The following CNTN4 variants were observed in gnomAD, a reference collection of about 807,000 sequenced individuals.
The protein encoded by CNTN4 is contactin-4.
In CNTN4, 77 loss-of-function variants were observed where a neutral mutation model predicts 122.5. The ratio of observed to expected loss-of-function variants is 0.63; its 90% CI spans 0.52 to 0.76. The LOEUF is 0.76. Ranked by LOEUF, CNTN4 falls within the 30% of genes least tolerant of loss-of-function variation. The pLI is 0.00. For missense variants in CNTN4, 1,256 were observed against 1,259.1 expected (o/e 1.00, Z 0.04); for synonymous variants, 512 against 447.0 (o/e 1.15, Z -1.83).
chr3:2,501,862 C>G (rs570365588), intron 3 of CNTN4, among the ~76,000 whole-genome samples: 1 of 152,156 alleles, frequency 6.6e-6, no homozygotes. Flanking sequence ...ATTTAAGCAA[C>G]CACGCATTGT....
intron 2 of CNTN4, among the ~76,000 whole-genome samples, chr3:2,238,396 G>T (rs541943465): frequency 5.1e-4 from 78 of 151,696 alleles, no homozygotes; most frequent in African/African-American, 1.6e-3. Context: ...ATCAGATTTA[G>T]TCCAAAATTT....
At chr3:3,009,709 A>G (rs1163051362) in intron 14 of CNTN4, among the ~76,000 whole-genome samples, 3 of 152,182 alleles carry the variant, frequency 2.0e-5, no homozygotes. Context: ...CTGGGATTAC[A>G]GGCGTGAGCC....
chr3:2,468,815 A>C (rs2075591780), intron 3 of CNTN4, among the ~76,000 whole-genome samples: 1 of 152,092 alleles, frequency 6.6e-6, no homozygotes, highest in African/African-American at 2.4e-5. Flanking sequence ...TCAGGGTTGA[A>C]AGTAAGGAAA....
chr3:2,689,396 C>G, intron 4 of CNTN4, among the ~76,000 whole-genome samples: 1 of 152,162 alleles, frequency 6.6e-6, no homozygotes, highest in South Asian at 2.1e-4. Context: ...CATCATGGAG[C>G]AAGCCTATGG....
chr3:2,812,817 T>C (rs1431819252), intron 6 of CNTN4, among the ~76,000 whole-genome samples: 1 of 152,170 alleles, frequency 6.6e-6, no homozygotes, highest in Non-Finnish European at 1.5e-5. Context: ...ACATTAGAAG[T>C]GAGAATTGAA....
intron 4 of CNTN4, among the ~76,000 whole-genome samples, chr3:2,665,865 G>A (rs531280042): frequency 6.6e-6 from 1 of 152,324 alleles, no homozygotes; most frequent in South Asian, 2.1e-4. Context: ...AACGTGGCGT[G>A]TGGTATCAGT....
chr3:2,221,378 C>T (rs988787063), intron 2 of CNTN4, among the ~76,000 whole-genome samples: 3 of 151,902 alleles, frequency 2.0e-5, no homozygotes, highest in African/African-American at 7.2e-5. Context: ...GATCCCCTAC[C>T]TCACACCATA....
Position 2,606,347 on chromosome 3 carries a change from G to T in CNTN4, c.55+34789G>T, listed in dbSNP as rs570652182. On this transcript the variant is annotated intron_variant, in intron 4 of 24. Transcript: ENST00000418658. Reference sequence around the variant, plus strand: ...TGGGGCCTGTGGTAGGGCAGGGGTCGAGGGGGAGGGAGAGCATCAGGAAAA... The same window carrying T: ...TGGGGCCTGTGGTAGGGCAGGGGTCTAGGGGGAGGGAGAGCATCAGGAAAA... Among the ~76,000 whole-genome samples, 3 of 152,216 alleles carry T rather than the reference G, an allele frequency of 2.0e-5. No homozygotes were observed. In the East Asian group the frequency reaches 5.8e-4, roughly 29 times the overall value.
At position 2,571,412 on chromosome 3, in the gene CNTN4, A is replaced by G; in HGVS notation, c.-88-4A>G. ...CTCATTGTAATGTCTCTTCTTTCCC[A>G]CAGATTAAAGGTTATACAAAACTTA... On this transcript the variant is annotated splice_region_variant and splice_polypyrimidine_tract_variant and intron_variant, in intron 3 of 24. Transcript: ENST00000418658. The G allele has an allele frequency of 1.1e-6, 1 of 888,558 alleles. No homozygotes were observed. The highest frequency in any genetic ancestry group is 1.3e-5 in the South Asian group (1 of 74,700). The allele number at this position is 888,558 out of a possible 1,614,324, so 55.0% of individuals were successfully genotyped here. A position where few individuals can be genotyped will look rare whatever the true frequency, so the allele number is the denominator to read the frequency against.
intron 3 of CNTN4, among the ~76,000 whole-genome samples, chr3:2,528,606 T>C: frequency 6.6e-6 from 1 of 152,136 alleles, no homozygotes; most frequent in Non-Finnish European, 1.5e-5. Context: ...TAAAAGCACT[T>C]TTAGGAGGTA....
At chr3:2,399,539 TG>T (rs1218899196) in intron 3 of CNTN4, among the ~76,000 whole-genome samples, 1 of 152,028 alleles carries the variant, frequency 6.6e-6, no homozygotes, top group Non-Finnish European at 1.5e-5. Context: ...ATAAGTTCTC[TG>T]AGTCTCTGTT....
intron 2 of CNTN4, among the ~76,000 whole-genome samples, chr3:2,185,491 G>A (rs2037208941): frequency 6.6e-6 from 1 of 152,070 alleles, no homozygotes; most frequent in African/African-American, 2.4e-5. Flanking sequence ...TGCTACCCCA[G>A]GGCACTTTCC....
intron 3 of CNTN4, among the ~76,000 whole-genome samples, chr3:2,479,242 C>G (rs926537716): frequency 1.3e-5 from 2 of 152,118 alleles, no homozygotes; most frequent in African/African-American, 4.8e-5. Context: ...AGCCTTTTAT[C>G]TTTTTGACCC....
intron 6 of CNTN4, among the ~76,000 whole-genome samples, chr3:2,787,625 T>G (rs7625449): frequency 0.58 from 87,372 of 151,908 alleles, 25,095 homozygotes; most frequent in East Asian, 0.63. Context: ...TTTAGTCTAG[T>G]TCACTTACCA....
chr3:2,879,197 C>G (rs1319667608), intron 8 of CNTN4, among the ~76,000 whole-genome samples: 1 of 152,100 alleles, frequency 6.6e-6, no homozygotes, highest in Non-Finnish European at 1.5e-5. Flanking sequence ...GGAAGACACA[C>G]ATACACAGAA....
At position 2,796,583 on chromosome 3, in the gene CNTN4, A is replaced by G. The variant is rs562549887; in HGVS notation, c.359-22903A>G. 1.4e-4 allele frequency among the ~76,000 whole-genome samples: 21 copies of G among 152,342 alleles called. 1 individual carries two copies. Among genetic ancestry groups the G allele is most frequent in the African/African-American group, 3.8e-4 (16 of 41,584 alleles). On this transcript the variant is annotated intron_variant, in intron 6 of 24. Transcript: ENST00000418658. The stretch of plus-strand genomic sequence containing the variant: ...TACTCCCAAGTTTTCTCACTGCTAC[A>G]TTAATTCAATGAAATCTAATTTAGG...
intron 14 of CNTN4, among the ~76,000 whole-genome samples, chr3:3,020,885 G>C (rs2125592719): frequency 6.6e-6 from 1 of 152,262 alleles, no homozygotes; most frequent in South Asian, 2.1e-4. Flanking sequence ...ACTAACCCAG[G>C]TATACTAATG....
chr3:2,606,949 C>CAGAT (rs2081283795), intron 4 of CNTN4, among the ~76,000 whole-genome samples: 2 of 152,178 alleles, frequency 1.3e-5, no homozygotes, highest in Non-Finnish European at 2.9e-5. Context: ...ATGAGCTTTA[C>CAGAT]AGATGCTAGC....
At chr3:3,018,717 C>T (rs1336843671) in intron 14 of CNTN4, among the ~76,000 whole-genome samples, 1 of 152,204 alleles carries the variant, frequency 6.6e-6, no homozygotes, top group African/African-American at 2.4e-5. Context: ...TTTCCCAGCT[C>T]TGTTGCTGAG....
Sources: gnomAD v4.1 joint callset for allele counts (sites outside exome capture counted in the v4.1 genomes callset) on GRCh38, gnomAD v4.1.1 for gene constraint, MANE v1.5 for transcripts, NCBI Gene and HGNC (gene_info 2026-07-23, HGNC 2026-07-21) for gene names.